FAF2: variants seen among roughly 807,000 people sequenced by gnomAD.
FAF2 encodes FAS-associated factor 2.
In FAF2, 9 loss-of-function variants were observed where a neutral mutation model predicts 62.3. The ratio of observed to expected loss-of-function variants is 0.14; its 90% confidence interval spans 0.09 to 0.25. The LOEUF (loss-of-function observed/expected upper bound fraction) is 0.25, where lower values mean the gene tolerates loss of function less well. Ranked by LOEUF, FAF2 falls within the 10% of genes least tolerant of loss-of-function variation. The pLI, the probability that FAF2 is intolerant of heterozygous loss-of-function variation, is 1.00. For missense variants in FAF2, 368 were observed against 556.2 expected, an observed-to-expected ratio of 0.66 and a Z score of 3.40; for synonymous variants, 202 against 198.0, an observed-to-expected ratio of 1.02 and a Z score of -0.17.
intron 10 of FAF2, among the ~76,000 whole-genome samples, chr5:176,504,106 C>CA (rs976050254): frequency 7.7e-4 from 115 of 149,016 alleles, no homozygotes; most frequent in East Asian, 7.9e-4. Context: ...GACTCCATCT[C>CA]AAAAAAAAAG....
intron 2 of FAF2, among the ~76,000 whole-genome samples, chr5:176,483,872 TA>T (rs1758827793): frequency 6.6e-6 from 1 of 152,102 alleles, no homozygotes; most frequent in African/African-American, 2.4e-5. Context: ...GTCGGGAATT[TA>T]AGACCATTCT....
chr5:176,465,107 T>G (rs533772312), intron 1 of FAF2, among the ~76,000 whole-genome samples: 1 of 152,216 alleles, frequency 6.6e-6, no homozygotes, highest in Non-Finnish European at 1.5e-5. Context: ...GCCAGGCTGG[T>G]CTTGAACTTC....
In FAF2 at chr5:176,500,038, C is replaced by T. The variant is rs767482024; in HGVS notation, c.1047C>T (p.Cys349=). Residue 349 remains cysteine, a synonymous_variant, in exon 10 of 11, where the codon TGC becomes TGT. Coordinates refer to ENST00000261942, the MANE Select transcript of FAF2 (RefSeq NM_014613.3). Reference sequence around the variant, plus strand: ...AGGAAAAGGAAAGGAAGTTGGAATGCCTGCCCCCTGAACCTTCCCCTGATG... The same window carrying T: ...AGGAAAAGGAAAGGAAGTTGGAATGTCTGCCCCCTGAACCTTCCCCTGATG... ...LQEEKERKLE[C]LPPEPSPDDP... The T allele has an allele frequency of 4.3e-6, 7 of 1,613,990 alleles. No homozygotes were observed. The highest frequency in any genetic ancestry group is 5.9e-6 in the Non-Finnish European group (7 of 1,180,018).
intron 1 of FAF2, among the ~76,000 whole-genome samples, chr5:176,462,286 A>T (rs1313517826): frequency 6.6e-6 from 1 of 151,958 alleles, no homozygotes; most frequent in Non-Finnish European, 1.5e-5. Flanking sequence ...CAAACAAAAC[A>T]AGAAAAAAGA....
chr5:176,492,105 G>C (rs1053892656), intron 4 of FAF2, 89 bp from the exon 5 acceptor site: 9 of 1,490,898 alleles, frequency 6.0e-6, no homozygotes, highest in Middle Eastern at 2.2e-4. Flanking sequence ...CGTGCCTCTG[G>C]CTCTGTTACA....
At chr5:176,479,995 A>G (rs1758762715) in intron 2 of FAF2, among the ~76,000 whole-genome samples, 1 of 152,104 alleles carries the variant, frequency 6.6e-6, no homozygotes, top group Non-Finnish European at 1.5e-5. Flanking sequence ...GCGCCCGGCC[A>G]TGCCTCTGAT....
chr5:176,484,381 G>A lies in FAF2; in HGVS notation c.133-1974G>A, dbSNP rs921481142. On this transcript the variant is annotated intron_variant, in intron 2 of 10. Coordinates refer to ENST00000261942, the MANE Select transcript of FAF2 (RefSeq NM_014613.3). Reference sequence around the variant, plus strand: ...CACTCTGTCCCATTCTACCTTACCCGGAACGTGAATTATCCATTTGTCCAG... The same window carrying A: ...CACTCTGTCCCATTCTACCTTACCCAGAACGTGAATTATCCATTTGTCCAG... Among the ~76,000 whole-genome samples the A allele has an allele frequency of 4.6e-5, 7 of 152,230 alleles. No homozygotes were observed. In the East Asian group the frequency reaches 5.8e-4, roughly 13 times the overall value.
chr5:176,509,243 T>TG lies in FAF2; in HGVS notation c.*2294dup, dbSNP rs1394750964. 1 of 152,228 alleles carries TG rather than the reference T, an allele frequency of 6.6e-6. No homozygotes were observed. The highest frequency in any genetic ancestry group is 1.5e-5 in the Non-Finnish European group (1 of 68,082). 9.4% of individuals were successfully genotyped at this position (152,228 alleles called of 1,614,324 possible). A position where few individuals can be genotyped will look rare whatever the true frequency, so the allele number is the denominator to read the frequency against. On this transcript the variant is annotated 3_prime_UTR_variant, in exon 11 of 11. Coordinates refer to ENST00000261942, the MANE Select transcript of FAF2 (RefSeq NM_014613.3). ...GCTGACCCTAGCGCTGCTGCCTAGGTGCCATTTCCTTTCCTCCTCAGTCAA... is the reference window on the plus strand; with the variant it reads ...GCTGACCCTAGCGCTGCTGCCTAGGTGGCCATTTCCTTTCCTCCTCAGTCAA...
chr5:176,482,758 C>A (rs2113734880), intron 2 of FAF2, among the ~76,000 whole-genome samples: 1 of 152,276 alleles, frequency 6.6e-6, no homozygotes, highest in African/African-American at 2.4e-5. Flanking sequence ...TCCAGTGATT[C>A]TCCCAGCTTG....
intron 9 of FAF2, 48 bp downstream of exon 9, chr5:176,499,133 C>A: frequency 6.7e-7 from 1 of 1,493,276 alleles, no homozygotes; most frequent in Non-Finnish European, 9.0e-7. Context: ...ACTGCCGAGA[C>A]TTTGCCATCT....
rs1759031722 is a variant in FAF2 at position 176,494,559 on chromosome 5, A to T, written c.661+284A>T. Among the ~76,000 whole-genome samples, 1 of 152,166 alleles carries T rather than the reference A, an allele frequency of 6.6e-6. No individual in the cohort carries two copies. Among genetic ancestry groups the T allele is most frequent in the Admixed American group, 6.5e-5 (1 of 15,270 alleles). On this transcript the variant is annotated intron_variant, in intron 7 of 10. Coordinates refer to ENST00000261942, the MANE Select transcript of FAF2 (RefSeq NM_014613.3). This position sits in a 1 kb window ranked among gnomAD's most constrained non-coding sequence, Gnocchi z 4.0. ...TTTTTTTGTTTTTATTTAATTAATT[A>T]AAAAAATTTTTTTGAGATGGAGTCT...
chr5:176,495,665 C>T (rs1439854393), intron 7 of FAF2, among the ~76,000 whole-genome samples: 1 of 151,982 alleles, frequency 6.6e-6, no homozygotes, highest in East Asian at 1.9e-4. Flanking sequence ...GCGCGTACCA[C>T]CACACCCTGC....
Position 176,508,088 on chromosome 5 carries a change from CAG to C in FAF2, c.*1140_*1141del, listed in dbSNP as rs1238643270. ...CCAGAGGCCTTGAAGGGAGCCAAGA[CAG>C]AACTCCCAGCCTGTGTAATCTATTG... On this transcript the variant is annotated 3_prime_UTR_variant, in exon 11 of 11. Coordinates refer to ENST00000261942, the MANE Select transcript of FAF2 (RefSeq NM_014613.3). 2.6e-5 allele frequency: 4 copies of C among 152,654 alleles called. No individual in the cohort carries two copies. The highest frequency in any genetic ancestry group is 7.2e-5 in the African/African-American group (3 of 41,446). 9.5% of individuals were successfully genotyped at this position (152,654 alleles called of 1,614,324 possible).
chr5:176,460,070 T>G (rs1368516296), intron 1 of FAF2, among the ~76,000 whole-genome samples: 1 of 152,190 alleles, frequency 6.6e-6, no homozygotes, highest in Non-Finnish European at 1.5e-5. Flanking sequence ...ATTTTGTTCT[T>G]TTTTATGAGT....
chr5:176,509,637 TTC>T lies in FAF2; in HGVS notation c.*2689_*2690del, dbSNP rs1755745626. On this transcript the variant is annotated 3_prime_UTR_variant, in exon 11 of 11. Coordinates refer to ENST00000261942, the MANE Select transcript of FAF2 (RefSeq NM_014613.3). ...CTGCAGAATTTCCTCTAGCAAATAC[TTC>T]TTTCTCCTTGCTTGCCTCCACCATG... 6.6e-6 allele frequency: 1 copy of T among 152,640 alleles called. No individual in the cohort carries two copies. The allele number at this position is 152,640 out of a possible 1,614,324, so 9.5% of individuals were successfully genotyped here.
intron 2 of FAF2, among the ~76,000 whole-genome samples, chr5:176,480,552 A>G (rs765532675): frequency 6.0e-4 from 91 of 152,198 alleles, no homozygotes; most frequent in African/African-American, 2.0e-3. Flanking sequence ...AGCTGGGACT[A>G]CAAACATGTA....
intron 1 of FAF2, among the ~76,000 whole-genome samples, chr5:176,450,774 C>T (rs965315793): frequency 3.9e-5 from 6 of 152,088 alleles, no homozygotes; most frequent in Non-Finnish European, 7.4e-5. Flanking sequence ...AGGATGGTCT[C>T]GATTTCTTGA....
Position 176,494,000 on chromosome 5 carries a change from C to T in FAF2, c.485C>T (p.Ala162Val), listed in dbSNP as rs747848226. 4 of 1,611,732 alleles carry T rather than the reference C, an allele frequency of 2.5e-6. No homozygotes were observed. The South Asian group carries it at 3.3e-5, about 13-fold the overall frequency. The change falls in exon 6 of 11, where the codon GCA (alanine) becomes GTA (valine). Residue 162 changes from alanine (A) to valine (V), a missense_variant and splice_region_variant. By Grantham distance (64) the Ala-to-Val change is moderately conservative. Coordinates refer to ENST00000261942, the MANE Select transcript of FAF2 (RefSeq NM_014613.3). ...TGAGTGACCTTCTCTTTCTCACAGG[C>T]ACTTAACGATGCCAAAAGGGAGCTT... ...PVFYQGTYSQALNDAKRELRF... is the reference protein window; with the variant it reads ...PVFYQGTYSQVLNDAKRELRF...
At chr5:176,449,341 C>T (rs1758124098) in intron 1 of FAF2, among the ~76,000 whole-genome samples, 1 of 152,194 alleles carries the variant, frequency 6.6e-6, no homozygotes, top group Non-Finnish European at 1.5e-5. Context: ...CTTTGGGAGG[C>T]CAAGGCCAGC....
Sources: gnomAD v4.1 joint callset for allele counts (sites outside exome capture counted in the v4.1 genomes callset) on GRCh38, gnomAD v4.1.1 for gene constraint, Gnocchi (gnomAD v3.1) non-coding constraint, MANE v1.5 for transcripts, NCBI Gene and HGNC (gene_info 2026-07-23, HGNC 2026-07-21) for gene names.